The following CAMK2D variants were observed in gnomAD, a reference collection of about 807,000 sequenced individuals.
CAMK2D encodes calcium/calmodulin-dependent protein kinase type II subunit delta.
In CAMK2D, 37 loss-of-function variants were observed where a neutral mutation model predicts 84.0. That is an observed-to-expected ratio of 0.44 (90% confidence interval 0.34 to 0.58). The LOEUF (loss-of-function observed/expected upper bound fraction) is 0.58. CAMK2D is among the 20% of genes least tolerant of loss of function. CAMK2D has a pLI of 0.02. For missense variants in CAMK2D, 448 were observed against 652.5 expected (o/e 0.69, Z 3.41); for synonymous variants, 202 against 212.5 (o/e 0.95, Z 0.43).
chr4:113,512,605 G>T (rs572102058), intron 12 of CAMK2D, among the ~76,000 whole-genome samples: 1 of 151,956 alleles, frequency 6.6e-6, no homozygotes, highest in African/African-American at 2.4e-5. Flanking sequence ...ACGGAGTCTC[G>T]CTCTGTCGCC....
chr4:113,553,817 C>T (rs1305883939), intron 4 of CAMK2D, among the ~76,000 whole-genome samples: 6 of 152,130 alleles, frequency 3.9e-5, no homozygotes, highest in Admixed American at 2.6e-4. Context: ...GGCAATCACA[C>T]AATGTACCTT....
intron 10 of CAMK2D, 83 bp downstream of exon 10, chr4:113,514,979 TGCAAAGC>T: frequency 2.5e-6 from 3 of 1,190,134 alleles, no homozygotes; most frequent in Admixed American, 4.0e-5. Context: ...CATCTTTTTT[TGCAAAGC>T]TATTTTAAAT....
At chr4:113,694,694 T>C (rs1441648931) in intron 2 of CAMK2D, among the ~76,000 whole-genome samples, 1 of 152,146 alleles carries the variant, frequency 6.6e-6, no homozygotes, top group Admixed American at 6.6e-5. Flanking sequence ...AAAAAGAAAG[T>C]AATTTATAAG....
At chr4:113,487,492 A>C (rs961134254) in intron 16 of CAMK2D, among the ~76,000 whole-genome samples, 2 of 152,142 alleles carry the variant, frequency 1.3e-5, no homozygotes, top group African/African-American at 4.8e-5. Flanking sequence ...TAGTTAAGAA[A>C]AACATAGCAA....
intron 2 of CAMK2D, chr4:113,754,673 T>C: frequency 1.0e-6 from 1 of 970,464 alleles, no homozygotes; most frequent in Non-Finnish European, 1.2e-6. Context: ...CCTGGAAGTG[T>C]GGATATACTT....
At chr4:113,571,359 T>A (rs2154221577) in intron 4 of CAMK2D, among the ~76,000 whole-genome samples, 1 of 152,276 alleles carries the variant, frequency 6.6e-6, no homozygotes, top group African/African-American at 2.4e-5. Context: ...ACTGCAGCAT[T>A]AACAATAGCC....
At chr4:113,683,002 A>C (rs953088125) in intron 2 of CAMK2D, among the ~76,000 whole-genome samples, 2 of 152,244 alleles carry the variant, frequency 1.3e-5, no homozygotes, top group African/African-American at 4.8e-5. Flanking sequence ...CACATGATCT[A>C]TAATGCAGAA....
At chr4:113,585,862 G>C (rs919903561) in intron 4 of CAMK2D, among the ~76,000 whole-genome samples, 2 of 152,140 alleles carry the variant, frequency 1.3e-5, no homozygotes, top group African/African-American at 4.8e-5. Context: ...TATTAAACTG[G>C]AAGTAATTGT....
At position 113,761,114 on chromosome 4, in the gene CAMK2D, G is replaced by A. The variant is rs748374379; in HGVS notation, c.-46C>T. On this transcript the variant is annotated 5_prime_UTR_variant, in exon 1 of 21. Coordinates refer to ENST00000511664, the MANE Select transcript of CAMK2D (RefSeq NM_001321571.2). The stretch of plus-strand genomic sequence containing the variant: ...TGGCTGGGAGCGCGACGGACCAGAA[G>A]CGAGCAGACGCGCGGCTAACCCCGG... 55 of 1,612,222 alleles carry A rather than the reference G, an allele frequency of 3.4e-5. No homozygotes were observed. In the African/African-American group the frequency reaches 3.6e-4, roughly 11 times the overall value.
rs80084361 is a variant in CAMK2D, at chr4:113,527,462, A to C, written c.601+3754T>G. On this transcript the variant is annotated intron_variant, in intron 8 of 20. Coordinates refer to ENST00000511664, the MANE Select transcript of CAMK2D (RefSeq NM_001321571.2). ...TAGACATAATGCTATCGTATACTTAATAGACTATAGTACACTGTAAACATA... is the reference window on the plus strand; with the variant it reads ...TAGACATAATGCTATCGTATACTTACTAGACTATAGTACACTGTAAACATA... Among the ~76,000 whole-genome samples, 1,082 of 152,230 alleles carry C rather than the reference A, an allele frequency of 7.1e-3. 4 individuals carry two copies. Among genetic ancestry groups the C allele is most frequent in the Non-Finnish European group, 0.01 (697 of 68,014 alleles).
intron 7 of CAMK2D, among the ~76,000 whole-genome samples, chr4:113,533,661 CTT>C (rs141396283): frequency 3.7e-4 from 55 of 149,158 alleles, no homozygotes; most frequent in Non-Finnish European, 4.8e-4. Context: ...TGGTAGTTAT[CTT>C]TTTTTTTTCT....
chr4:113,660,941 G>A (rs1018107873), intron 3 of CAMK2D, among the ~76,000 whole-genome samples: 1 of 151,658 alleles, frequency 6.6e-6, no homozygotes, highest in Non-Finnish European at 1.5e-5. Flanking sequence ...GACTACAGGC[G>A]CCCGCCACCA....
At chr4:113,579,916 T>C (rs1294423084) in intron 4 of CAMK2D, among the ~76,000 whole-genome samples, 4 of 152,172 alleles carry the variant, frequency 2.6e-5, no homozygotes, top group African/African-American at 9.7e-5. Flanking sequence ...AGGTTTCCCA[T>C]CCCAAGACTT....
intron 2 of CAMK2D, among the ~76,000 whole-genome samples, chr4:113,738,748 T>A (rs1373734013): frequency 6.6e-6 from 1 of 152,102 alleles, no homozygotes; most frequent in Admixed American, 6.6e-5. Context: ...AATATGAACT[T>A]TCCCATGTCA....
intron 12 of CAMK2D, among the ~76,000 whole-genome samples, chr4:113,511,311 A>G (rs1254471436): frequency 6.6e-6 from 1 of 152,186 alleles, no homozygotes; most frequent in Admixed American, 6.5e-5. Context: ...TGGATTAAAA[A>G]AATTGCTTTT....
intron 14 of CAMK2D, chr4:113,503,215 A>G: frequency 1.4e-6 from 1 of 708,944 alleles, no homozygotes; most frequent in Non-Finnish European, 2.6e-6. Flanking sequence ...CTTATTCTTG[A>G]TCAGCATTCA....
Position 113,668,728 on chromosome 4 carries a change from C to A in CAMK2D, c.161-6956G>T, listed in dbSNP as rs960798330. 2.6e-5 allele frequency among the ~76,000 whole-genome samples: 4 copies of A among 151,998 alleles called. No individual in the cohort carries two copies. In the East Asian group the frequency reaches 7.7e-4, roughly 29 times the overall value. On this transcript the variant is annotated intron_variant, in intron 2 of 20. Transcript: ENST00000511664. ...GAGACAAACTGAATACAGTAAAATACGGACAAAAACTCACAATTATTCAGT... is the reference window on the plus strand; with the variant it reads ...GAGACAAACTGAATACAGTAAAATAAGGACAAAAACTCACAATTATTCAGT...
intron 2 of CAMK2D, among the ~76,000 whole-genome samples, chr4:113,667,149 T>C (rs2099260867): frequency 6.6e-6 from 1 of 152,242 alleles, no homozygotes. Flanking sequence ...CTAAACTATT[T>C]GAAGTTTTAT....
At chr4:113,642,892 A>G (rs2099138013) in intron 3 of CAMK2D, among the ~76,000 whole-genome samples, 1 of 152,144 alleles carries the variant, frequency 6.6e-6, no homozygotes, top group Non-Finnish European at 1.5e-5. Flanking sequence ...TATGGTTGCA[A>G]TAAGAGTTTG....
Sources: gnomAD v4.1 joint callset for allele counts (sites outside exome capture counted in the v4.1 genomes callset) on GRCh38, gnomAD v4.1.1 for gene constraint, MANE v1.5 for transcripts, NCBI Gene and HGNC (gene_info 2026-07-23, HGNC 2026-07-21) for gene names.